LHPP: variants seen among roughly 807,000 people sequenced by gnomAD.
LHPP encodes the protein phospholysine phosphohistidine inorganic pyrophosphate phosphatase.
A neutral mutation model predicts 30.3 loss-of-function variants in LHPP; 24 were observed. The observed-to-expected ratio is 0.79, with a 90% CI of 0.57 to 1.11. The LOEUF is 1.11. Ranked by LOEUF, LHPP falls within the 50% of genes most tolerant of loss-of-function variation. The pLI, the probability that LHPP is intolerant of heterozygous loss-of-function variation, is 0.00. For missense variants in LHPP, 356 were observed against 367.2 expected, an observed-to-expected ratio of 0.97 and a Z score of 0.25; for synonymous variants, 150 against 157.1, an observed-to-expected ratio of 0.95 and a Z score of 0.34.
chr10:124,516,802 T>C (rs978954271), intron 5 of LHPP, among the ~76,000 whole-genome samples: 4 of 152,210 alleles, frequency 2.6e-5, no homozygotes, highest in African/African-American at 9.6e-5. Flanking sequence ...TGCTTCACTT[T>C]CATGGAATCA....
At chr10:124,522,723 G>GCCCGC (rs144874055) in intron 6 of LHPP, among the ~76,000 whole-genome samples, 2 of 143,242 alleles carry the variant, frequency 1.4e-5, no homozygotes, top group African/African-American at 5.3e-5. Flanking sequence ...TGCTGCCCAC[G>GCCCGC]CCCCCCCCCA....
chr10:124,509,180 C>T (rs1954239270), intron 5 of LHPP, among the ~76,000 whole-genome samples: 1 of 152,126 alleles, frequency 6.6e-6, no homozygotes, highest in South Asian at 2.1e-4. Flanking sequence ...CAGTTCCATC[C>T]CTGTAGCTGC....
chr10:124,492,664 G>A (rs750985362), intron 3 of LHPP, among the ~76,000 whole-genome samples: 13 of 152,170 alleles, frequency 8.5e-5, no homozygotes, highest in Non-Finnish European at 1.6e-4. Context: ...ACATATCTGG[G>A]CACCGTGGCC....
In LHPP at chr10:124,474,244, A is replaced by G. The variant is rs376831487; in HGVS notation, c.126-9895A>G. Among the ~76,000 whole-genome samples the G allele has an allele frequency of 2.7e-5, 4 of 147,364 alleles. No individual in the cohort carries two copies. The East Asian group carries it at 6.1e-4, about 23-fold the overall frequency. The stretch of plus-strand genomic sequence containing the variant: ...AGCCTCGACCTCCTGGGCTCAAGCG[A>G]TCCTTTCACCTCAGCCCCCAAAGTA... On this transcript the variant is annotated intron_variant, in intron 1 of 6. Transcript: ENST00000368842.
intron 6 of LHPP, among the ~76,000 whole-genome samples, chr10:124,532,165 C>T (rs1189116719): frequency 6.6e-6 from 1 of 152,186 alleles, no homozygotes; most frequent in Non-Finnish European, 1.5e-5. Context: ...CATTTTGGCC[C>T]AAAAAGATGT....
rs575443619 is a variant in LHPP, at chr10:124,607,830, G to T, written c.717-5434G>T. Among the ~76,000 whole-genome samples, 9 of 152,340 alleles carry T rather than the reference G, an allele frequency of 5.9e-5. No homozygotes were observed. In the East Asian group the frequency reaches 1.2e-3, roughly 20 times the overall value. The stretch of plus-strand genomic sequence containing the variant: ...GATGGGAACTGGCTGCGGTACCAGA[G>T]AGGACGTCAGACCCGGGCCGCGGCC... On this transcript the variant is annotated intron_variant, in intron 6 of 6. Transcript: ENST00000368842.
chr10:124,484,866 A>G (rs1235374084), intron 2 of LHPP, among the ~76,000 whole-genome samples: 2 of 152,170 alleles, frequency 1.3e-5, no homozygotes, highest in African/African-American at 4.8e-5. Flanking sequence ...TCTGAATGCA[A>G]GAACAGACAG....
intron 5 of LHPP, among the ~76,000 whole-genome samples, chr10:124,504,783 C>G (rs1206914231): frequency 1.3e-5 from 2 of 152,140 alleles, no homozygotes; most frequent in African/African-American, 4.8e-5. Context: ...GTTATTTTCA[C>G]AGTCAGCTTC....
chr10:124,494,728 C>A (rs1223159739), intron 3 of LHPP, among the ~76,000 whole-genome samples: 1 of 152,148 alleles, frequency 6.6e-6, no homozygotes, highest in East Asian at 1.9e-4. Context: ...CCTCTGCTGC[C>A]TCCCTGAACC....
intron 6 of LHPP, among the ~76,000 whole-genome samples, chr10:124,559,052 G>A (rs935798295): frequency 6.6e-6 from 1 of 152,188 alleles, no homozygotes; most frequent in Non-Finnish European, 1.5e-5. Context: ...TCTGGCCCTC[G>A]GTGGTTTCTG....
chr10:124,503,107 T>C (rs1564794215), intron 5 of LHPP, among the ~76,000 whole-genome samples: 1 of 151,812 alleles, frequency 6.6e-6, no homozygotes, highest in Non-Finnish European at 1.5e-5. Flanking sequence ...TTCACTCCTG[T>C]TGCCCAGGCT....
chr10:124,603,778 GGGTC>G (rs1949057949), intron 6 of LHPP, among the ~76,000 whole-genome samples: 1 of 152,160 alleles, frequency 6.6e-6, no homozygotes, highest in Non-Finnish European at 1.5e-5. Flanking sequence ...CTGGGCTGGA[GGGTC>G]CCCACGCTGG....
chr10:124,582,185 A>T (rs990972712), intron 6 of LHPP, among the ~76,000 whole-genome samples: 2 of 152,298 alleles, frequency 1.3e-5, no homozygotes, highest in Middle Eastern at 3.4e-3. Context: ...GGCTCAAACC[A>T]TCCTTCTGCC....
At chr10:124,487,756 C>T (rs188068255) in intron 2 of LHPP, among the ~76,000 whole-genome samples, 39 of 152,224 alleles carry the variant, frequency 2.6e-4, no homozygotes, top group African/African-American at 9.1e-4. Flanking sequence ...AGTTTCTTTT[C>T]AATTTAGAAA....
chr10:124,487,840 A>G (rs1264384470), intron 2 of LHPP, among the ~76,000 whole-genome samples: 2 of 152,194 alleles, frequency 1.3e-5, no homozygotes, highest in Non-Finnish European at 2.9e-5. Flanking sequence ...CAATGATTTG[A>G]TGTATCCTTG....
At chr10:124,527,961 A>C (rs11245262) in intron 6 of LHPP, among the ~76,000 whole-genome samples, 1 of 151,554 alleles carries the variant, frequency 6.6e-6, no homozygotes, top group East Asian at 1.9e-4. Flanking sequence ...TAAATTTTTT[A>C]TAAAGATGGA....
Position 124,517,419 on chromosome 10 carries a change from C to G in LHPP, c.716+148C>G. 1.9e-6 allele frequency: 1 copy of G among 528,370 alleles called. No individual in the cohort carries two copies. The highest frequency in any genetic ancestry group is 3.3e-6 in the Non-Finnish European group (1 of 304,140). The allele number at this position is 528,370 out of a possible 1,614,324, so 32.7% of individuals were successfully genotyped here. A position where few individuals can be genotyped will look rare whatever the true frequency, so the allele number is the denominator to read the frequency against. ...TCACTATCTTGTATGTAATGGACCTCTAAGAACAGGGCTGAGTGGTCTTTT... is the reference window on the plus strand; with the variant it reads ...TCACTATCTTGTATGTAATGGACCTGTAAGAACAGGGCTGAGTGGTCTTTT... On this transcript the variant is annotated intron_variant, in intron 6 of 6. Transcript: ENST00000368842. The surrounding 1 kb of genome is among the most constrained non-coding windows in gnomAD (Gnocchi z 4.1).
At chr10:124,549,689 T>G (rs1955430753) in intron 6 of LHPP, among the ~76,000 whole-genome samples, 1 of 152,244 alleles carries the variant, frequency 6.6e-6, no homozygotes, top group South Asian at 2.1e-4. Flanking sequence ...GGACGGGACC[T>G]TACATCTGGG....
At chr10:124,594,558 G>T (rs1407167243) in intron 6 of LHPP, among the ~76,000 whole-genome samples, 1 of 151,902 alleles carries the variant, frequency 6.6e-6, no homozygotes, top group East Asian at 1.9e-4. Flanking sequence ...TACTCCCAGG[G>T]TCGAACGTCT....
Sources: allele counts gnomAD v4.1 joint callset (sites outside exome capture counted in the v4.1 genomes callset), GRCh38; gene constraint gnomAD v4.1.1; non-coding constraint Gnocchi (gnomAD v3.1); transcripts MANE v1.5; gene names NCBI Gene and HGNC (gene_info 2026-07-23, HGNC 2026-07-21).